The following HIPK2 variants were observed in gnomAD, a reference collection of about 807,000 sequenced individuals.
HIPK2 encodes the protein homeodomain-interacting protein kinase 2.
Under a neutral mutation model 113.7 loss-of-function variants are expected in HIPK2, and 27 were observed. The observed-to-expected ratio is 0.24, with a 90% CI of 0.17 to 0.33. The LOEUF (loss-of-function observed/expected upper bound fraction) is 0.33, where lower values mean the gene tolerates loss of function less well. Among genes scored for constraint, HIPK2 ranks in the 10% least tolerant of loss-of-function variants. The probability of loss-of-function intolerance (pLI) is 1.00; values close to 1 mark genes in which losing one functional copy is unlikely to be tolerated. For missense variants in HIPK2, 1,257 were observed against 1,588.0 expected (o/e 0.79, Z 3.54); for synonymous variants, 631 against 642.2 (o/e 0.98, Z 0.26).
chr7:139,626,767 A>G lies in HIPK2; in HGVS notation c.1453T>C (p.Leu485=). 6.2e-7 allele frequency: 1 copy of G among 1,613,926 alleles called. No individual in the cohort carries two copies. Among genetic ancestry groups the G allele is most frequent in the Non-Finnish European group, 8.5e-7 (1 of 1,179,880 alleles). ...TCTACCAACATGTCGCTCCCTTCCAAATCTGTCGTCATGTTCACCTGGACG... is the reference window on the plus strand; with the variant it reads ...TCTACCAACATGTCGCTCCCTTCCAGATCTGTCGTCATGTTCACCTGGACG... ...DMAQVNMTTD[L]EGSDMLVEKA... The change falls in exon 6 of 15, where the codon TTG becomes CTG. Residue 485 remains leucine (L), a synonymous_variant. Transcript: ENST00000406875.
chr7:139,658,041 T>C (rs1330784249), intron 2 of HIPK2, among the ~76,000 whole-genome samples: 1 of 152,162 alleles, frequency 6.6e-6, no homozygotes, highest in East Asian at 1.9e-4. Context: ...CATAAGATGG[T>C]AGCAGCCATT....
At chr7:139,750,231 AG>A (rs377371860) in intron 1 of HIPK2, among the ~76,000 whole-genome samples, 24 of 152,364 alleles carry the variant, frequency 1.6e-4, no homozygotes, top group African/African-American at 5.5e-4. Flanking sequence ...AAATAAAGAC[AG>A]ACATTAGCAC....
chr7:139,629,728 AGGT>A (rs1800548109), intron 4 of HIPK2, among the ~76,000 whole-genome samples: 1 of 152,212 alleles, frequency 6.6e-6, no homozygotes, highest in African/African-American at 2.4e-5. Context: ...GGTAATCCAG[AGGT>A]AATTCGTCTT....
rs368945182 is a variant in HIPK2, at chr7:139,604,089, C to G, written c.2247G>C (p.Ala749=). 1 of 1,613,898 alleles carries G rather than the reference C, an allele frequency of 6.2e-7. No individual in the cohort carries two copies. Among genetic ancestry groups the G allele is most frequent in the South Asian group, 1.1e-5 (1 of 91,080 alleles). ...AGGGGTTTCCTGCTTACCTCCAGTCCGCCAGCTGCTGGGTGCCTGCCATGG... is the reference window on the plus strand; with the variant it reads ...AGGGGTTTCCTGCTTACCTCCAGTCGGCCAGCTGCTGGGTGCCTGCCATGG... The part of the protein sequence containing the change: ...PETMAGTQQL[A]DWRNTHAHGS... The change falls in exon 10 of 15, where the codon GCG becomes GCC. Residue 749 remains alanine (A), a synonymous_variant. Transcript: ENST00000406875.
At chr7:139,738,528 C>G (rs575264285) in intron 1 of HIPK2, among the ~76,000 whole-genome samples, 1 of 152,280 alleles carries the variant, frequency 6.6e-6, no homozygotes, top group African/African-American at 2.4e-5. Context: ...AATAAAGCAC[C>G]ATGATATTTG....
chr7:139,752,591 C>T (rs740818), intron 1 of HIPK2, among the ~76,000 whole-genome samples: 16,937 of 152,040 alleles, frequency 0.11, 1,140 homozygotes, highest in Non-Finnish European at 0.16. Flanking sequence ...CCCAGGATTC[C>T]CTCAGTCCTC....
chr7:139,629,737 G>A lies in HIPK2; in HGVS notation c.1348-698C>T, dbSNP rs191968626. 1.8e-4 allele frequency among the ~76,000 whole-genome samples: 27 copies of A among 152,256 alleles called. No homozygotes were observed. In the East Asian group the frequency reaches 4.6e-3, roughly 26 times the overall value. On this transcript the variant is annotated intron_variant, in intron 4 of 14. Coordinates refer to ENST00000406875, the MANE Select transcript of HIPK2 (RefSeq NM_022740.5). ...CCATGAGGTAATCCAGAGGTAATTC[G>A]TCTTCAAAATCTCACTCAAGGACAG...
At chr7:139,772,361 C>T (rs1209063277) in intron 1 of HIPK2, among the ~76,000 whole-genome samples, 1 of 152,182 alleles carries the variant, frequency 6.6e-6, no homozygotes, top group Non-Finnish European at 1.5e-5. Context: ...ATATCAGAAA[C>T]GAAAGTCTCT....
At chr7:139,758,953 AT>A (rs1214238148) in intron 1 of HIPK2, among the ~76,000 whole-genome samples, 1 of 152,240 alleles carries the variant, frequency 6.6e-6, no homozygotes, top group African/African-American at 2.4e-5. Context: ...CATAAAAAAA[AT>A]AAATTTGACT....
chr7:139,694,771 G>A (rs982673369), intron 2 of HIPK2, among the ~76,000 whole-genome samples: 20 of 152,210 alleles, frequency 1.3e-4, no homozygotes, highest in African/African-American at 4.8e-4. Context: ...GGGCTGGAAG[G>A]TGCAGAGTGA....
At chr7:139,686,016 T>C (rs571663579) in intron 2 of HIPK2, among the ~76,000 whole-genome samples, 3 of 152,356 alleles carry the variant, frequency 2.0e-5, no homozygotes, top group East Asian at 3.9e-4. Context: ...CTGATGGATC[T>C]GGCCAAAGTA....
At chr7:139,732,446 C>T (rs980262513) in intron 1 of HIPK2, among the ~76,000 whole-genome samples, 3 of 152,196 alleles carry the variant, frequency 2.0e-5, no homozygotes, top group South Asian at 2.1e-4. Flanking sequence ...TGTAGCGGGG[C>T]GCCTTCCCCA....
Position 139,586,507 on chromosome 7 carries a change from G to A in HIPK2, c.2718-2443C>T, listed in dbSNP as rs115750394. On this transcript the variant is annotated intron_variant, in intron 12 of 14. Transcript: ENST00000406875. ...ATGAATGCTGGGAGGGGTGGCTCAT[G>A]CCTGTAATCTCGGTGCTTTGGGAGG... Among the ~76,000 whole-genome samples, 371 of 152,220 alleles carry A rather than the reference G, an allele frequency of 2.4e-3. 4 individuals carry two copies. Among genetic ancestry groups the A allele is most frequent in the African/African-American group, 8.5e-3 (351 of 41,532 alleles).
chr7:139,575,414 C>A (rs1403000755), intron 13 of HIPK2, 126 bp from the exon 14 acceptor site: 3 of 1,113,314 alleles, frequency 2.7e-6, no homozygotes, highest in Non-Finnish European at 3.8e-6. Context: ...AGTAACAAAT[C>A]AGCCTCATCT....
intron 2 of HIPK2, among the ~76,000 whole-genome samples, chr7:139,664,899 A>C (rs909575043): frequency 6.6e-6 from 1 of 152,182 alleles, no homozygotes; most frequent in Non-Finnish European, 1.5e-5. Context: ...GATATCAGCT[A>C]TTTACAACAT....
At chr7:139,636,187 C>T (rs1376006010) in intron 2 of HIPK2, among the ~76,000 whole-genome samples, 1 of 152,044 alleles carries the variant, frequency 6.6e-6, no homozygotes, top group Non-Finnish European at 1.5e-5. Context: ...CCTTCCTGCC[C>T]TGAAACACTT....
At chr7:139,722,977 C>A (rs1795459339) in intron 1 of HIPK2, among the ~76,000 whole-genome samples, 1 of 151,984 alleles carries the variant, frequency 6.6e-6, no homozygotes, top group African/African-American at 2.4e-5. Context: ...GATTCTCCTG[C>A]CTCAGCTTCC....
intron 2 of HIPK2, among the ~76,000 whole-genome samples, chr7:139,706,379 T>C (rs142509735): frequency 1.3e-5 from 2 of 152,134 alleles, no homozygotes; most frequent in Admixed American, 1.3e-4. Context: ...AGTTCCTGCA[T>C]GAAAGATGAC....
rs138276684 is a variant in HIPK2 at position 139,619,201 on chromosome 7, A to C, written c.1782+1200T>G. On this transcript the variant is annotated intron_variant, in intron 7 of 14. Coordinates refer to ENST00000406875, the MANE Select transcript of HIPK2 (RefSeq NM_022740.5). ...AAGGGTGGGAAGGGGAGCGGCTGAA[A>C]AGCAGGGGGCAGTGACTCTTCAGTG... Among the ~76,000 whole-genome samples, 377 of 152,266 alleles carry C rather than the reference A, an allele frequency of 2.5e-3. 1 individual carries two copies. Among genetic ancestry groups the C allele is most frequent in the African/African-American group, 8.3e-3 (345 of 41,548 alleles).
Sources: gnomAD v4.1 joint callset for allele counts (sites outside exome capture counted in the v4.1 genomes callset) on GRCh38, gnomAD v4.1.1 for gene constraint, MANE v1.5 for transcripts, NCBI Gene and HGNC (gene_info 2026-07-23, HGNC 2026-07-21) for gene names.